The following CEP112 variants were observed in gnomAD, a reference collection of about 807,000 sequenced individuals.
The protein encoded by CEP112 is centrosomal protein 112, also known as centrosomal protein of 112 kDa.
A neutral mutation model predicts 153.0 loss-of-function variants in CEP112; 127 were observed. The observed-to-expected ratio is 0.83, with a 90% CI of 0.72 to 0.96. The LOEUF (loss-of-function observed/expected upper bound fraction) is 0.96, where lower values mean the gene tolerates loss of function less well. Ranked by LOEUF, CEP112 falls within the 40% of genes least tolerant of loss-of-function variation. The probability of loss-of-function intolerance (pLI) is 0.00; values close to 1 mark genes in which losing one functional copy is unlikely to be tolerated. For missense variants in CEP112, 1,089 were observed against 1,101.2 expected (o/e 0.99, Z 0.16); for synonymous variants, 358 against 374.4 (o/e 0.96, Z 0.51).
chr17:66,056,834 T>C (rs2066711315), intron 11 of CEP112, among the ~76,000 whole-genome samples: 1 of 152,136 alleles, frequency 6.6e-6, no homozygotes, highest in Non-Finnish European at 1.5e-5. Context: ...ACTTTGTGAA[T>C]ACATCAAAAA....
intron 6 of CEP112, among the ~76,000 whole-genome samples, chr17:66,100,490 C>T (rs938238612): frequency 5.4e-5 from 8 of 148,136 alleles, no homozygotes; most frequent in Non-Finnish European, 1.2e-4. Flanking sequence ...GACCTGAAGC[C>T]AAAAACCAGG....
At chr17:65,849,605 G>A (rs970588378) in intron 21 of CEP112, among the ~76,000 whole-genome samples, 2 of 152,188 alleles carry the variant, frequency 1.3e-5, no homozygotes, top group African/African-American at 4.8e-5. Flanking sequence ...TATAATGCAG[G>A]AAAATTACGG....
chr17:65,913,760 C>A (rs1228876573), intron 19 of CEP112: 1 of 985,290 alleles, frequency 1.0e-6, no homozygotes, highest in African/African-American at 1.7e-5. Flanking sequence ...GCTGAAGCTC[C>A]CGAAGCTCAT....
intron 19 of CEP112, among the ~76,000 whole-genome samples, chr17:65,914,451 C>T (rs919890919): frequency 1.3e-5 from 2 of 151,906 alleles, no homozygotes; most frequent in African/African-American, 4.8e-5. Context: ...AATTATTCAT[C>T]ATTTTGAATG....
At chr17:65,886,900 C>A (rs185834155) in intron 20 of CEP112, among the ~76,000 whole-genome samples, 3 of 152,146 alleles carry the variant, frequency 2.0e-5, no homozygotes, top group Non-Finnish European at 2.9e-5. Flanking sequence ...TTAATGCTTA[C>A]TCAAAAAAAC....
In CEP112 at chr17:65,746,528, T is replaced by C. The variant is rs144863537; in HGVS notation, c.2458-3311A>G. ...AAAAACAAGATTTAATACTTTAAGA[T>C]TGAGAAATAATCATAATAATCAGAT... On this transcript the variant is annotated intron_variant, in intron 22 of 26. Transcript: ENST00000535342. Among the ~76,000 whole-genome samples, 349 of 152,254 alleles carry C rather than the reference T, an allele frequency of 2.3e-3. 2 individuals are homozygous for C. The highest frequency in any genetic ancestry group is 8.1e-3 in the African/African-American group (337 of 41,544).
intron 16 of CEP112, among the ~76,000 whole-genome samples, chr17:66,025,920 T>TACACACACACACACACACACACAC (rs759825168): frequency 0.011 from 1,376 of 124,524 alleles, 42 homozygotes; most frequent in African/African-American, 0.038. Flanking sequence ...AAATGTGGCA[T>TACACACACACACACACACACACAC]ACACACACAC....
chr17:65,898,986 T>A (rs9905575), intron 20 of CEP112, among the ~76,000 whole-genome samples: 3,052 of 152,290 alleles, frequency 0.02, 108 homozygotes, highest in African/African-American at 0.069. Flanking sequence ...GTTCTATTTT[T>A]CCTCTAATTC....
At chr17:65,869,865 G>A (rs1219949541) in intron 20 of CEP112, among the ~76,000 whole-genome samples, 3 of 151,764 alleles carry the variant, frequency 2.0e-5, no homozygotes, top group South Asian at 4.2e-4. Context: ...GATTACAGGC[G>A]TGAGCCACCA....
intron 16 of CEP112, among the ~76,000 whole-genome samples, chr17:66,014,605 T>A: frequency 6.6e-6 from 1 of 152,080 alleles, no homozygotes; most frequent in East Asian, 1.9e-4. Context: ...CCAGCTCAAG[T>A]GTGGGGGTCA....
At chr17:65,890,582 G>C (rs989768082) in intron 20 of CEP112, among the ~76,000 whole-genome samples, 1 of 152,060 alleles carries the variant, frequency 6.6e-6, no homozygotes, top group Non-Finnish European at 1.5e-5. Flanking sequence ...GGGTAAGTAC[G>C]CTAGAGTAGG....
At chr17:65,638,448 G>A (rs1203125442) in intron 25 of CEP112, among the ~76,000 whole-genome samples, 1 of 152,146 alleles carries the variant, frequency 6.6e-6, no homozygotes, top group Non-Finnish European at 1.5e-5. Flanking sequence ...GTTATGCAAG[G>A]GAGTACAGCT....
intron 23 of CEP112, among the ~76,000 whole-genome samples, chr17:65,694,849 AT>A (rs1439636080): frequency 6.6e-6 from 1 of 152,208 alleles, no homozygotes; most frequent in East Asian, 1.9e-4. Context: ...CACACACAAA[AT>A]CACAACTTTT....
chr17:65,875,243 G>A (rs1408555704), intron 20 of CEP112, among the ~76,000 whole-genome samples: 3 of 152,016 alleles, frequency 2.0e-5, no homozygotes, highest in Non-Finnish European at 4.4e-5. Context: ...CAGGAAAGTT[G>A]ACACAAATAG....
At chr17:66,133,652 G>A (rs535335464) in intron 4 of CEP112, among the ~76,000 whole-genome samples, 1 of 152,230 alleles carries the variant, frequency 6.6e-6, no homozygotes, top group Admixed American at 6.5e-5. Flanking sequence ...CAAGTCCCAT[G>A]ATTATGAACA....
chr17:65,939,214 TA>T (rs1452537879), intron 18 of CEP112, among the ~76,000 whole-genome samples: 2 of 152,148 alleles, frequency 1.3e-5, no homozygotes, highest in African/African-American at 2.4e-5. Flanking sequence ...TTGAAAACTA[TA>T]AAACACCAAT....
At chr17:65,862,941 T>C (rs2058356105) in intron 20 of CEP112, among the ~76,000 whole-genome samples, 1 of 152,184 alleles carries the variant, frequency 6.6e-6, no homozygotes, top group South Asian at 2.1e-4. Flanking sequence ...ATGGCTTCAT[T>C]ATTCCTTACT....
intron 24 of CEP112, among the ~76,000 whole-genome samples, chr17:65,660,671 A>G (rs1462177307): frequency 6.6e-6 from 1 of 151,840 alleles, no homozygotes; most frequent in Non-Finnish European, 1.5e-5. Flanking sequence ...CAACCTCCCA[A>G]GTAGCTGGGA....
intron 21 of CEP112, among the ~76,000 whole-genome samples, chr17:65,798,245 T>TA (rs377179113): frequency 4.5e-4 from 67 of 150,408 alleles, no homozygotes; most frequent in Admixed American, 3.4e-3. Context: ...TATTTAGTCA[T>TA]AAAAAAAACA....
Sources: allele counts gnomAD v4.1 joint callset (sites outside exome capture counted in the v4.1 genomes callset), GRCh38; gene constraint gnomAD v4.1.1; transcripts MANE v1.5; gene names NCBI Gene and HGNC (gene_info 2026-07-23, HGNC 2026-07-21).